ARHGAP35: variants seen among roughly 807,000 people sequenced by gnomAD.
ARHGAP35 encodes Rho GTPase activating protein 35.
In ARHGAP35, 15 loss-of-function variants were observed where a neutral mutation model predicts 111.1. The ratio of observed to expected loss-of-function variants is 0.13; its 90% CI spans 0.09 to 0.21. The LOEUF (loss-of-function observed/expected upper bound fraction) is 0.21. ARHGAP35 is among the 10% of genes least tolerant of loss of function. The pLI is 1.00. For missense variants in ARHGAP35, 1,262 were observed against 1,873.0 expected (o/e 0.67, Z 6.02); for synonymous variants, 643 against 710.3 (o/e 0.91, Z 1.51).
intron 2 of ARHGAP35, among the ~76,000 whole-genome samples, chr19:46,928,805 G>A (rs1340327179): frequency 1.3e-5 from 2 of 151,940 alleles, no homozygotes; most frequent in African/African-American, 2.4e-5. Context: ...GGTGGTGGAC[G>A]CCTATAATCC....
intron 1 of ARHGAP35, among the ~76,000 whole-genome samples, chr19:46,873,347 G>A (rs2055897834): frequency 6.6e-6 from 1 of 151,698 alleles, no homozygotes; most frequent in Admixed American, 6.6e-5. Flanking sequence ...AGAGAAAGGA[G>A]CCGGCTGGGC....
intron 3 of ARHGAP35, among the ~76,000 whole-genome samples, chr19:46,963,118 ATTG>A (rs889073513): frequency 6.6e-6 from 1 of 152,068 alleles, no homozygotes; most frequent in African/African-American, 2.4e-5. Context: ...ACTCCAAGGA[ATTG>A]TTTGCATGGT....
In ARHGAP35 at chr19:46,871,306, A is replaced by G. The variant is rs188196021; in HGVS notation, c.-189+10097A>G. Among the ~76,000 whole-genome samples the G allele has an allele frequency of 5.9e-5, 9 of 152,296 alleles. No homozygotes were observed. The East Asian group carries it at 1.5e-3, about 26-fold the overall frequency. ...ATTGAAATTGCTATCAGGCCTGCAA[A>G]CAAGTGTGAACTTTCAGGAAAGTAG... On this transcript the variant is annotated intron_variant, in intron 1 of 6. Transcript: ENST00000672722.
chr19:46,945,147 C>T lies in ARHGAP35; in HGVS notation c.3826+7739C>T, dbSNP rs567846853. 6.6e-6 allele frequency among the ~76,000 whole-genome samples: 1 copy of T among 152,260 alleles called. No homozygotes were observed. The highest frequency in any genetic ancestry group is 2.4e-5 in the African/African-American group (1 of 41,550). Reference sequence around the variant, plus strand: ...TGCCACAGCTGCTCTGGGACCGCCACTGAGAGTGGGAAGGAGGCGGGGTTG... The same window carrying T: ...TGCCACAGCTGCTCTGGGACCGCCATTGAGAGTGGGAAGGAGGCGGGGTTG... On this transcript the variant is annotated intron_variant, in intron 3 of 6. Transcript: ENST00000672722. This position sits in a 1 kb window ranked among gnomAD's most constrained non-coding sequence, Gnocchi z 4.1.
intron 5 of ARHGAP35, among the ~76,000 whole-genome samples, chr19:46,995,059 GCA>G (rs1490633317): frequency 6.6e-6 from 1 of 152,166 alleles, no homozygotes; most frequent in African/African-American, 2.4e-5. Flanking sequence ...GCCACACAGG[GCA>G]CAGACACTGC....
At chr19:46,906,507 G>T (rs931249905) in intron 1 of ARHGAP35, among the ~76,000 whole-genome samples, 1 of 152,222 alleles carries the variant, frequency 6.6e-6, no homozygotes, top group African/African-American at 2.4e-5. Flanking sequence ...GGGGCCTAGT[G>T]TAGAAGGGGG....
intron 3 of ARHGAP35, chr19:46,948,618 G>A (rs1213690737): frequency 6.6e-6 from 1 of 152,210 alleles, no homozygotes; most frequent in Admixed American, 6.5e-5. Context: ...TGTAACAACA[G>A]TGGGATCTCA....
intron 1 of ARHGAP35, among the ~76,000 whole-genome samples, chr19:46,861,727 C>T (rs1035485161): frequency 2.0e-5 from 3 of 152,110 alleles, no homozygotes; most frequent in African/African-American, 7.2e-5. Context: ...CAGATCTGTC[C>T]TCGGCCCCTT....
At chr19:46,872,479 T>C (rs2055892994) in intron 1 of ARHGAP35, among the ~76,000 whole-genome samples, 2 of 151,852 alleles carry the variant, frequency 1.3e-5, no homozygotes, top group African/African-American at 2.4e-5. Flanking sequence ...CTTATAAACA[T>C]ATGAAAGAAA....
chr19:46,864,709 C>G (rs2055846230), intron 1 of ARHGAP35, among the ~76,000 whole-genome samples: 1 of 152,152 alleles, frequency 6.6e-6, no homozygotes, highest in Non-Finnish European at 1.5e-5. Context: ...TTTTAATAAT[C>G]TATGTATGGC....
At chr19:46,889,750 CAAAA>C (rs5828291) in intron 1 of ARHGAP35, among the ~76,000 whole-genome samples, 4 of 85,242 alleles carry the variant, frequency 4.7e-5, no homozygotes, top group Admixed American at 1.4e-4. Flanking sequence ...GACTCCGTCT[CAAAA>C]AAAAAAAAAA....
chr19:46,922,209 G>C lies in ARHGAP35; in HGVS notation c.3534G>C (p.Gly1178=). 1 of 1,614,038 alleles carries C rather than the reference G, an allele frequency of 6.2e-7. No individual in the cohort carries two copies. The highest frequency in any genetic ancestry group is 8.5e-7 in the Non-Finnish European group (1 of 1,179,898). ...GTTACCGGACCAGCTTCAGCGTGGG[G>C]AGTGATGATGAGCTGGGGCCCATCC... The part of the protein sequence containing the change: ...FASYRTSFSV[G]SDDELGPIRK... The change falls in exon 2 of 7, where the codon GGG becomes GGC. Residue 1178 remains glycine (G), a synonymous_variant. Transcript: ENST00000672722. This position sits in a 1 kb window ranked among gnomAD's most constrained non-coding sequence, Gnocchi z 4.0.
At chr19:46,870,480 G>A (rs558467263) in intron 1 of ARHGAP35, among the ~76,000 whole-genome samples, 3 of 152,062 alleles carry the variant, frequency 2.0e-5, no homozygotes, top group Admixed American at 6.5e-5. Flanking sequence ...TCAGGAGGCT[G>A]AGGTAGGAGA....
At position 47,001,727 on chromosome 19, in the gene ARHGAP35, G is replaced by T. The variant is rs778385768; in HGVS notation, c.*1039G>T. On this transcript the variant is annotated 3_prime_UTR_variant, in exon 7 of 7. Transcript: ENST00000672722. The surrounding 1 kb of genome is among the most constrained non-coding windows in gnomAD (Gnocchi z 5.4). ...ATAGAAACACTAATTGAGCATGTGCGTGGGGTGGGGGTGTGTGTGCACATG... is the reference window on the plus strand; with the variant it reads ...ATAGAAACACTAATTGAGCATGTGCTTGGGGTGGGGGTGTGTGTGCACATG... 1.3e-5 allele frequency: 4 copies of T among 318,142 alleles called. No homozygotes were observed. Among genetic ancestry groups the T allele is most frequent in the East Asian group, 8.2e-5 (1 of 12,150 alleles). The allele number at this position is 318,142 out of a possible 1,614,324, so 19.7% of individuals were successfully genotyped here. A position where few individuals can be genotyped will look rare whatever the true frequency, so the allele number is the denominator to read the frequency against.
intron 1 of ARHGAP35, among the ~76,000 whole-genome samples, chr19:46,871,849 G>A (rs911214394): frequency 2.0e-5 from 3 of 151,642 alleles, no homozygotes; most frequent in Non-Finnish European, 2.9e-5. Context: ...GCATGGTGGC[G>A]GGTGCCTGTA....
intron 3 of ARHGAP35, among the ~76,000 whole-genome samples, chr19:46,982,934 C>T (rs769974317): frequency 6.6e-6 from 1 of 151,394 alleles, no homozygotes; most frequent in Non-Finnish European, 1.5e-5. Context: ...CCTATAGTCC[C>T]TCGCAGCTAC....
In ARHGAP35 at chr19:47,001,118, T is replaced by C. The variant is rs1346963464; in HGVS notation, c.*430T>C. Reference sequence around the variant, plus strand: ...CAACCCCTGAAGAGAACACTTCCTGTTGGTCTGTCTCTTCCCACCTTCCAT... The same window carrying C: ...CAACCCCTGAAGAGAACACTTCCTGCTGGTCTGTCTCTTCCCACCTTCCAT... On this transcript the variant is annotated 3_prime_UTR_variant, in exon 7 of 7. Transcript: ENST00000672722. This position sits in a 1 kb window ranked among gnomAD's most constrained non-coding sequence, Gnocchi z 5.4. The C allele has an allele frequency of 4.0e-6, 5 of 1,239,850 alleles. No individual in the cohort carries two copies. In the Admixed American group the frequency reaches 8.7e-5, roughly 22 times the overall value. 76.8% of individuals were successfully genotyped at this position (1,239,850 alleles called of 1,614,324 possible). A position where few individuals can be genotyped will look rare whatever the true frequency, so the allele number is the denominator to read the frequency against.
At chr19:46,956,558 T>G (rs1047406137) in intron 3 of ARHGAP35, among the ~76,000 whole-genome samples, 1 of 152,110 alleles carries the variant, frequency 6.6e-6, no homozygotes, top group African/African-American at 2.4e-5. Flanking sequence ...GTGCTGGGAT[T>G]ACAGGCGTGA....
At chr19:46,870,171 G>C (rs996490631) in intron 1 of ARHGAP35, among the ~76,000 whole-genome samples, 2 of 151,358 alleles carry the variant, frequency 1.3e-5, no homozygotes, top group African/African-American at 4.8e-5. Context: ...GGCTGGTCTC[G>C]AACTCCTGAC....
Sources: gnomAD v4.1 joint callset for allele counts (sites outside exome capture counted in the v4.1 genomes callset) on GRCh38, gnomAD v4.1.1 for gene constraint, Gnocchi (gnomAD v3.1) non-coding constraint, MANE v1.5 for transcripts, NCBI Gene and HGNC (gene_info 2026-07-23, HGNC 2026-07-21) for gene names.